ST6GALNAC3: variants seen among roughly 807,000 people sequenced by gnomAD.
ST6GALNAC3 encodes alpha-N-acetylgalactosaminide alpha-2,6-sialyltransferase 3.
ST6GALNAC3 carries 25 observed loss-of-function variants against 32.7 expected under a neutral mutation model. That is an observed-to-expected ratio of 0.76 (90% confidence interval 0.56 to 1.07). ST6GALNAC3 has a LOEUF of 1.07. Ranked by LOEUF, ST6GALNAC3 falls within the 50% of genes least tolerant of loss-of-function variation. The pLI, the probability that ST6GALNAC3 is intolerant of heterozygous loss-of-function variation, is 0.00. For missense variants in ST6GALNAC3, 355 were observed against 382.4 expected (o/e 0.93, Z 0.60); for synonymous variants, 129 against 133.1 (o/e 0.97, Z 0.21).
intron 2 of ST6GALNAC3, among the ~76,000 whole-genome samples, chr1:76,371,439 C>A (rs1650807693): frequency 6.6e-6 from 1 of 151,732 alleles, no homozygotes; most frequent in South Asian, 2.1e-4. Flanking sequence ...GGAAGGGCAT[C>A]CTAGAAAAAA....
At chr1:76,213,575 G>C (rs1043086747) in intron 1 of ST6GALNAC3, among the ~76,000 whole-genome samples, 2 of 152,140 alleles carry the variant, frequency 1.3e-5, no homozygotes, top group Non-Finnish European at 1.5e-5. Context: ...GCCAGTTTCT[G>C]TTCTATTAAA....
chr1:76,383,178 T>A (rs910923232), intron 2 of ST6GALNAC3, among the ~76,000 whole-genome samples: 2 of 152,166 alleles, frequency 1.3e-5, no homozygotes, highest in African/African-American at 4.8e-5. Context: ...TGAAAATATC[T>A]TTCAAAATAA....
intron 1 of ST6GALNAC3, among the ~76,000 whole-genome samples, chr1:76,154,148 G>C (rs1342821096): frequency 6.6e-6 from 1 of 152,102 alleles, no homozygotes; most frequent in Non-Finnish European, 1.5e-5. Context: ...TGCTTATGTG[G>C]GTGGACAATT....
intron 1 of ST6GALNAC3, among the ~76,000 whole-genome samples, chr1:76,104,455 A>G (rs901454568): frequency 1.3e-5 from 2 of 152,146 alleles, no homozygotes; most frequent in African/African-American, 4.8e-5. Flanking sequence ...AGTCCAAAAC[A>G]AATGATACAC....
chr1:76,372,387 T>C (rs1326770164), intron 2 of ST6GALNAC3, among the ~76,000 whole-genome samples: 2 of 152,022 alleles, frequency 1.3e-5, no homozygotes, highest in African/African-American at 4.8e-5. Flanking sequence ...CACACACACA[T>C]TGTATTGCAG....
intron 1 of ST6GALNAC3, among the ~76,000 whole-genome samples, chr1:76,238,112 C>T (rs1283078538): frequency 6.6e-6 from 1 of 152,236 alleles, no homozygotes; most frequent in Non-Finnish European, 1.5e-5. Context: ...CTAGCTGCTA[C>T]TTTTCTGGCA....
chr1:76,245,706 G>A (rs1657219819), intron 1 of ST6GALNAC3, among the ~76,000 whole-genome samples: 2 of 152,154 alleles, frequency 1.3e-5, no homozygotes, highest in Admixed American at 6.5e-5. Context: ...TCATTCAGAA[G>A]CAGGTTGTTC....
At chr1:76,236,191 G>T (rs911919076) in intron 1 of ST6GALNAC3, among the ~76,000 whole-genome samples, 1 of 151,936 alleles carries the variant, frequency 6.6e-6, no homozygotes, top group South Asian at 2.1e-4. Context: ...CAGGTGATCC[G>T]CCCGCCTCGG....
At chr1:76,378,664 C>CCT (rs1394049523) in intron 2 of ST6GALNAC3, among the ~76,000 whole-genome samples, 2 of 101,670 alleles carry the variant, frequency 2.0e-5, no homozygotes, top group African/African-American at 7.5e-5. Flanking sequence ...TTCCTTCCCC[C>CCT]CCCCAAAAAA....
intron 1 of ST6GALNAC3, among the ~76,000 whole-genome samples, chr1:76,228,005 T>C (rs968050875): frequency 1.3e-5 from 2 of 152,204 alleles, no homozygotes; most frequent in African/African-American, 4.8e-5. Flanking sequence ...TTCATTACTT[T>C]GTTAGCAAAG....
intron 1 of ST6GALNAC3, among the ~76,000 whole-genome samples, chr1:76,300,298 C>T (rs773515020): frequency 2.2e-4 from 33 of 152,104 alleles, no homozygotes; most frequent in South Asian, 8.3e-4. Flanking sequence ...TGTCTAAAGG[C>T]ATGCCTAACT....
intron 1 of ST6GALNAC3, among the ~76,000 whole-genome samples, chr1:76,168,532 C>T (rs941331121): frequency 6.6e-6 from 1 of 152,124 alleles, no homozygotes; most frequent in African/African-American, 2.4e-5. Context: ...TGTTAATTTT[C>T]TCTCTCACTG....
At chr1:76,109,085 G>T (rs1455172464) in intron 1 of ST6GALNAC3, among the ~76,000 whole-genome samples, 2 of 152,204 alleles carry the variant, frequency 1.3e-5, no homozygotes, top group East Asian at 3.9e-4. Flanking sequence ...TTCCTGGGAG[G>T]AATCTTACAT....
At chr1:76,516,451 T>C (rs1662180318) in intron 3 of ST6GALNAC3, among the ~76,000 whole-genome samples, 1 of 152,158 alleles carries the variant, frequency 6.6e-6, no homozygotes, top group Admixed American at 6.5e-5. Flanking sequence ...TTTTTGCTAT[T>C]AATGAGTATA....
chr1:76,404,977 G>C (rs1042320505), intron 2 of ST6GALNAC3, among the ~76,000 whole-genome samples: 2 of 152,076 alleles, frequency 1.3e-5, no homozygotes, highest in African/African-American at 4.8e-5. Context: ...TTTTACTTGA[G>C]ATAAGCAAGT....
At chr1:76,622,461 A>G (rs543144433) in intron 3 of ST6GALNAC3, among the ~76,000 whole-genome samples, 1 of 152,116 alleles carries the variant, frequency 6.6e-6, no homozygotes, top group African/African-American at 2.4e-5. Context: ...ACTGGAGATT[A>G]TAGGAATCTG....
chr1:76,229,183 A>G (rs983089404), intron 1 of ST6GALNAC3, among the ~76,000 whole-genome samples: 1 of 152,174 alleles, frequency 6.6e-6, no homozygotes, highest in Non-Finnish European at 1.5e-5. Context: ...GCCTGCCATG[A>G]GTTAGACTTG....
chr1:76,230,355 A>T (rs999170420), intron 1 of ST6GALNAC3, among the ~76,000 whole-genome samples: 1 of 152,190 alleles, frequency 6.6e-6, no homozygotes, highest in Non-Finnish European at 1.5e-5. Flanking sequence ...ATATTTGAGA[A>T]TTGTAATTAT....
chr1:76,237,946 A>G (rs766954735), intron 1 of ST6GALNAC3, among the ~76,000 whole-genome samples: 7 of 152,230 alleles, frequency 4.6e-5, no homozygotes, highest in Non-Finnish European at 7.3e-5. Context: ...ATGTTGATTA[A>G]TGATAATGGA....
Sources: gnomAD v4.1 joint callset for allele counts (sites outside exome capture counted in the v4.1 genomes callset) on GRCh38, gnomAD v4.1.1 for gene constraint, MANE v1.5 for transcripts, NCBI Gene and HGNC (gene_info 2026-07-23, HGNC 2026-07-21) for gene names.